The following FHIT variants were observed in gnomAD, a reference collection of about 807,000 sequenced individuals.
The protein encoded by FHIT is fragile histidine triad diadenosine triphosphatase, also known as bis(5'-adenosyl)-triphosphatase.
FHIT carries 19 observed loss-of-function variants against 17.9 expected under a neutral mutation model. The ratio of observed to expected loss-of-function variants is 1.06; its 90% CI spans 0.74 to 1.56. The LOEUF (loss-of-function observed/expected upper bound fraction) is 1.56. FHIT is among the 40% of genes most tolerant of loss of function. The probability of loss-of-function intolerance (pLI) is 0.00; values close to 1 mark genes in which losing one functional copy is unlikely to be tolerated. For missense variants in FHIT, 248 were observed against 189.2 expected (o/e 1.31, Z -1.82); for synonymous variants, 81 against 69.7 (o/e 1.16, Z -0.81).
At chr3:60,923,256 G>A (rs1459151054) in intron 3 of FHIT, among the ~76,000 whole-genome samples, 2 of 152,126 alleles carry the variant, frequency 1.3e-5, no homozygotes, top group African/African-American at 4.8e-5. Context: ...GGTGGTTAAG[G>A]GTTCAGACTC....
At chr3:60,123,647 G>C (rs1220573273) in intron 5 of FHIT, among the ~76,000 whole-genome samples, 1 of 151,972 alleles carries the variant, frequency 6.6e-6, no homozygotes, top group Non-Finnish European at 1.5e-5. Flanking sequence ...ATGATGAGTA[G>C]AGAAACCCAA....
chr3:60,620,575 G>T (rs1385077669), intron 4 of FHIT, among the ~76,000 whole-genome samples: 1 of 151,316 alleles, frequency 6.6e-6, no homozygotes, highest in African/African-American at 2.4e-5. Flanking sequence ...TCCAGTGATG[G>T]GATACATTGG....
Position 61,249,975 on chromosome 3 carries a change from CACACACACACACACAA to C in FHIT, c.-213+1310_-213+1325del, listed in dbSNP as rs1352392559. 4.3e-3 allele frequency among the ~76,000 whole-genome samples: 599 copies of C among 138,244 alleles called. 6 individuals are homozygous for C. Among genetic ancestry groups the C allele is most frequent in the African/African-American group, 0.016 (567 of 35,588 alleles). The allele number at this position is 138,244 out of a possible 152,430, so 90.7% of individuals were successfully genotyped here. A position where few individuals can be genotyped will look rare whatever the true frequency, so the allele number is the denominator to read the frequency against. ...ACACACACACACACACACACACACACACACACACACACACAAACCCTAGACTTCTTTCTTTACTAAA... is the reference window on the plus strand; with the variant it reads ...ACACACACACACACACACACACACACACCCTAGACTTCTTTCTTTACTAAA... On this transcript the variant is annotated intron_variant, in intron 1 of 9. Transcript: ENST00000492590.
chr3:60,349,761 A>G (rs924320070), intron 5 of FHIT, among the ~76,000 whole-genome samples: 3 of 152,236 alleles, frequency 2.0e-5, no homozygotes, highest in Admixed American at 6.5e-5. Context: ...AGAAATCACA[A>G]TTTTAAAAAT....
At chr3:60,591,786 G>A (rs566934204) in intron 4 of FHIT, among the ~76,000 whole-genome samples, 5 of 152,124 alleles carry the variant, frequency 3.3e-5, no homozygotes, top group Admixed American at 3.3e-4. Flanking sequence ...AAATTATTCC[G>A]TTTTGACACA....
At chr3:60,926,031 T>A (rs1553769762) in intron 3 of FHIT, among the ~76,000 whole-genome samples, 1 of 152,126 alleles carries the variant, frequency 6.6e-6, no homozygotes, top group African/African-American at 2.4e-5. Flanking sequence ...ATGCACCCAA[T>A]ACAGGAGCAC....
At chr3:60,710,509 C>G (rs2041496686) in intron 4 of FHIT, among the ~76,000 whole-genome samples, 1 of 152,220 alleles carries the variant, frequency 6.6e-6, no homozygotes. Flanking sequence ...AGGGAGTTCC[C>G]TTTCCTGCTC....
chr3:59,864,994 G>A lies in FHIT; in HGVS notation c.348+57352C>T, dbSNP rs1323158273. 2.0e-5 allele frequency among the ~76,000 whole-genome samples: 3 copies of A among 152,030 alleles called. No individual in the cohort carries two copies. The East Asian group carries it at 5.8e-4, about 29-fold the overall frequency. ...TAGTTGTATTACTACTACTGTCACT[G>A]CTAATTAATGATCCACATTCAGCCT... On this transcript the variant is annotated intron_variant, in intron 8 of 9. Coordinates refer to ENST00000492590, the MANE Select transcript of FHIT (RefSeq NM_002012.4).
chr3:59,922,283 G>T, intron 8 of FHIT, 63 bp downstream of exon 8: 2 of 1,299,360 alleles, frequency 1.5e-6, no homozygotes, highest in Non-Finnish European at 2.2e-6. Context: ...GATTCATTAG[G>T]TTGATGTCAT....
chr3:60,980,922 A>G (rs1457120459), intron 3 of FHIT, among the ~76,000 whole-genome samples: 3 of 152,170 alleles, frequency 2.0e-5, no homozygotes, highest in African/African-American at 7.2e-5. Context: ...CAGCCCCCCT[A>G]TTTTAGCAAT....
chr3:59,935,330 A>C (rs187989082), intron 7 of FHIT, among the ~76,000 whole-genome samples: 1 of 152,150 alleles, frequency 6.6e-6, no homozygotes, highest in African/African-American at 2.4e-5. Context: ...AGAAAAAATT[A>C]TAAGTGTTCT....
At chr3:60,136,265 C>T (rs1419376978) in intron 5 of FHIT, among the ~76,000 whole-genome samples, 1 of 152,156 alleles carries the variant, frequency 6.6e-6, no homozygotes, top group African/African-American at 2.4e-5. Flanking sequence ...TACTTCCCAG[C>T]TGCCATTCCT....
chr3:60,060,570 A>G (rs577304152), intron 5 of FHIT, among the ~76,000 whole-genome samples: 27 of 152,350 alleles, frequency 1.8e-4, no homozygotes, highest in Non-Finnish European at 3.5e-4. Context: ...TTCTCCTAAA[A>G]GTATACTACC....
chr3:60,144,648 C>A (rs535494454), intron 5 of FHIT, among the ~76,000 whole-genome samples: 1 of 151,880 alleles, frequency 6.6e-6, no homozygotes, highest in Non-Finnish European at 1.5e-5. Context: ...TTACGGGGTA[C>A]AATTTGATGT....
At chr3:60,786,178 C>T (rs1700568682) in intron 4 of FHIT, among the ~76,000 whole-genome samples, 1 of 152,152 alleles carries the variant, frequency 6.6e-6, no homozygotes, top group South Asian at 2.1e-4. Context: ...TTCTTCCTAA[C>T]AACTTGAACT....
At chr3:60,207,916 A>G (rs997517322) in intron 5 of FHIT, among the ~76,000 whole-genome samples, 1 of 152,192 alleles carries the variant, frequency 6.6e-6, no homozygotes, top group African/African-American at 2.4e-5. Context: ...TTGGAATGTA[A>G]TCTCTTACTA....
chr3:60,568,038 A>T lies in FHIT; in HGVS notation c.-17-31059T>A, dbSNP rs532280705. Among the ~76,000 whole-genome samples the T allele has an allele frequency of 5.9e-5, 9 of 152,340 alleles. No individual in the cohort carries two copies. The East Asian group carries it at 1.5e-3, about 26-fold the overall frequency. The stretch of plus-strand genomic sequence containing the variant: ...TGTAAACTAGTTCAACCATTGTGGA[A>T]GTCAGTGTGGCAATTCCTCAGGGAT... On this transcript the variant is annotated intron_variant, in intron 4 of 9. Transcript: ENST00000492590.
intron 5 of FHIT, among the ~76,000 whole-genome samples, chr3:60,488,473 G>GTA (rs1196581910): frequency 3.3e-5 from 5 of 152,136 alleles, no homozygotes; most frequent in African/African-American, 1.2e-4. Flanking sequence ...GTCATGTTAA[G>GTA]TAAAAGGTGG....
intron 5 of FHIT, among the ~76,000 whole-genome samples, chr3:60,414,362 G>T (rs1702170109): frequency 6.6e-6 from 1 of 152,102 alleles, no homozygotes; most frequent in Admixed American, 6.6e-5. Context: ...GACAGAAAGG[G>T]GCCTGAGCTG....
Sources: allele counts gnomAD v4.1 joint callset (sites outside exome capture counted in the v4.1 genomes callset), GRCh38; gene constraint gnomAD v4.1.1; transcripts MANE v1.5; gene names NCBI Gene and HGNC (gene_info 2026-07-23, HGNC 2026-07-21).